KLF12: variants seen among roughly 807,000 people sequenced by gnomAD.
KLF12 encodes the protein Krueppel-like factor 12.
KLF12 carries 9 observed loss-of-function variants against 37.8 expected under a neutral mutation model. That is an observed-to-expected ratio of 0.24 (90% CI 0.14 to 0.42). The LOEUF (loss-of-function observed/expected upper bound fraction) is 0.42. Among genes scored for constraint, KLF12 ranks in the 10% least tolerant of loss-of-function variants. The pLI, the probability that KLF12 is intolerant of heterozygous loss-of-function variation, is 1.00. For synonymous variants in KLF12, 208 were observed against 202.1 expected (o/e 1.03, Z -0.25); for missense variants, 411 against 516.0 (o/e 0.80, Z 1.97).
chr13:74,212,795 A>G, the KLF12 span, among the ~76,000 whole-genome samples: 6 of 152,160 alleles, frequency 3.9e-5, no homozygotes, highest in Non-Finnish European at 5.9e-5. Flanking sequence ...CTCAGGATCA[A>G]TTCTTCTCTG....
chr13:74,135,483 G>A (rs1258606990), upstream of KLF12, among the ~76,000 whole-genome samples: 9 of 151,884 alleles, frequency 5.9e-5, no homozygotes, highest in Non-Finnish European at 1.2e-4. Flanking sequence ...GGGCGGGAGA[G>A]GGAGGAGGCG....
chr13:74,231,217 C>A, the KLF12 span, among the ~76,000 whole-genome samples: 3 of 142,040 alleles, frequency 2.1e-5, no homozygotes, highest in African/African-American at 8.6e-5. Flanking sequence ...TTTTTTTTCC[C>A]TCTGTATCTC....
the KLF12 span, among the ~76,000 whole-genome samples, chr13:74,245,724 T>G: frequency 6.6e-6 from 1 of 152,176 alleles, no homozygotes; most frequent in East Asian, 1.9e-4. Context: ...CTGTGGAACA[T>G]AGCAAAGTGT....
chr13:73,763,108 G>A (rs1879674428), intron 6 of KLF12, among the ~76,000 whole-genome samples: 1 of 152,100 alleles, frequency 6.6e-6, no homozygotes, highest in Admixed American at 6.6e-5. Context: ...TCTTCTTTGG[G>A]ATGGATTTTC....
chr13:73,801,806 A>G (rs908460704), intron 5 of KLF12: 1 of 152,166 alleles, frequency 6.6e-6, no homozygotes, highest in Non-Finnish European at 1.5e-5. Flanking sequence ...TAAAAGTAGG[A>G]AAAATAAATA....
chr13:74,261,373 T>C, the KLF12 span, among the ~76,000 whole-genome samples: 1 of 152,172 alleles, frequency 6.6e-6, no homozygotes, highest in African/African-American at 2.4e-5. Context: ...CAGAATTTTT[T>C]CTAAACAGAA....
At chr13:73,966,040 T>C (rs2138070640) in intron 2 of KLF12, among the ~76,000 whole-genome samples, 1 of 152,342 alleles carries the variant, frequency 6.6e-6, no homozygotes, top group African/African-American at 2.4e-5. Flanking sequence ...AAGGTAATAA[T>C]TAAGGATGTG....
chr13:73,824,174 GA>G (rs1196927362), intron 4 of KLF12, among the ~76,000 whole-genome samples: 1 of 151,812 alleles, frequency 6.6e-6, no homozygotes, highest in Non-Finnish European at 1.5e-5. Context: ...TTGATCGGTT[GA>G]TAAACACGTA....
chr13:74,093,980 AC>A (rs1593894526), intron 1 of KLF12, among the ~76,000 whole-genome samples: 1 of 69,286 alleles, frequency 1.4e-5, no homozygotes, highest in Non-Finnish European at 4.2e-5. Context: ...AAAAAAAAAT[AC>A]AATAGCTAGT....
intron 1 of KLF12, among the ~76,000 whole-genome samples, chr13:74,022,984 G>A (rs1045939486): frequency 9.3e-5 from 14 of 150,922 alleles, no homozygotes; most frequent in Middle Eastern, 6.9e-3. Flanking sequence ...TGGGGCTCAC[G>A]CATCAGTAAG....
intron 3 of KLF12, among the ~76,000 whole-genome samples, chr13:73,911,827 C>T (rs984134321): frequency 2.0e-5 from 3 of 152,200 alleles, no homozygotes; most frequent in South Asian, 2.1e-4. Context: ...CTTCATTCTA[C>T]GTCTTTATTC....
At chr13:74,143,336 T>TCAAAGACAATTTCATTCTCAATTC in the KLF12 span, among the ~76,000 whole-genome samples, 1 of 148,812 alleles carries the variant, frequency 6.7e-6, no homozygotes. Flanking sequence ...TATACAGAAT[T>TCAAAGACAATTTCATTCTCAATTC]CAAATACAAT....
intron 1 of KLF12, among the ~76,000 whole-genome samples, chr13:74,119,331 GCAA>G (rs1877488712): frequency 1.1e-5 from 1 of 94,438 alleles, no homozygotes. Flanking sequence ...GACTCTTATC[GCAA>G]AAAAAAAAAA....
intron 7 of KLF12, among the ~76,000 whole-genome samples, chr13:73,706,692 G>A (rs1874977407): frequency 1.3e-5 from 2 of 152,220 alleles, no homozygotes; most frequent in South Asian, 4.1e-4. Context: ...GACCCCTTCA[G>A]TGCTGCTGTA....
chr13:74,134,784 TAGG>T (rs1233704158), upstream of KLF12, among the ~76,000 whole-genome samples: 1 of 151,466 alleles, frequency 6.6e-6, no homozygotes, highest in Non-Finnish European at 1.5e-5. Context: ...CAGACAGGCT[TAGG>T]AGAATTCGGG....
Position 73,982,929 on chromosome 13 carries a change from T to C in KLF12, c.33+12061A>G, listed in dbSNP as rs145804932. On this transcript the variant is annotated intron_variant, in intron 2 of 7. Transcript: ENST00000377669. ...TCATTTTTCTTTCTTCTGTCACATA[T>C]AATCATACTCTTTAACACTTTTTTT... is the stretch of plus-strand genomic sequence containing the variant. 1.8e-3 allele frequency among the ~76,000 whole-genome samples: 280 copies of C among 151,872 alleles called. 1 individual carries two copies. Among genetic ancestry groups the C allele is most frequent in the African/African-American group, 6.5e-3 (270 of 41,418 alleles).
At chr13:74,029,716 G>C (rs1052750793) in intron 1 of KLF12, among the ~76,000 whole-genome samples, 1 of 152,030 alleles carries the variant, frequency 6.6e-6, no homozygotes, top group Non-Finnish European at 1.5e-5. Flanking sequence ...AAAGGACCTT[G>C]CTTTCTAGCA....
chr13:73,696,295 A>G (rs1874145627), intron 7 of KLF12, among the ~76,000 whole-genome samples: 1 of 152,176 alleles, frequency 6.6e-6, no homozygotes, highest in African/African-American at 2.4e-5. Context: ...TACATTTTTC[A>G]GGACTTAAGA....
At chr13:74,132,291 T>C (rs1044951997) in intron 1 of KLF12, among the ~76,000 whole-genome samples, 1 of 152,090 alleles carries the variant, frequency 6.6e-6, no homozygotes, top group African/African-American at 2.4e-5. Context: ...TCTAAACAAC[T>C]CTATCGTCCA....
Sources: allele counts gnomAD v4.1 joint callset (sites outside exome capture counted in the v4.1 genomes callset), GRCh38; gene constraint gnomAD v4.1.1; transcripts MANE v1.5; gene names NCBI Gene and HGNC (gene_info 2026-07-23, HGNC 2026-07-21).